Variants in NFAT5 observed in about 807,000 individuals in gnomAD.
NFAT5 encodes the protein nuclear factor of activated T-cells 5.
A neutral mutation model predicts 166.5 loss-of-function variants in NFAT5; 31 were observed. The ratio of observed to expected loss-of-function variants is 0.19; its 90% CI spans 0.14 to 0.25. The LOEUF is 0.25. NFAT5 is among the 10% of genes least tolerant of loss of function. The pLI is 1.00. For missense variants in NFAT5, 1,449 were observed against 1,821.8 expected (o/e 0.80, Z 3.72); for synonymous variants, 612 against 639.7 (o/e 0.96, Z 0.65).
chr16:69,622,887 T>C (rs937626309), intron 2 of NFAT5, among the ~76,000 whole-genome samples: 5 of 151,298 alleles, frequency 3.3e-5, no homozygotes, highest in African/African-American at 1.2e-4. Flanking sequence ...GGCTCACGCC[T>C]GTAATCCCAG....
At chr16:69,604,322 A>G (rs2033290597) in intron 2 of NFAT5, among the ~76,000 whole-genome samples, 1 of 152,200 alleles carries the variant, frequency 6.6e-6, no homozygotes, top group Non-Finnish European at 1.5e-5. Flanking sequence ...GTAGGTGCTC[A>G]ATTGAATTTT....
intron 3 of NFAT5, among the ~76,000 whole-genome samples, chr16:69,633,995 G>A (rs79524953): frequency 0.03 from 4,530 of 151,274 alleles, 129 homozygotes; most frequent in East Asian, 0.12. Flanking sequence ...AATCATACAT[G>A]GGCCAGGCAT....
intron 2 of NFAT5, among the ~76,000 whole-genome samples, chr16:69,604,910 C>G (rs1003966998): frequency 4.6e-5 from 7 of 152,146 alleles, no homozygotes; most frequent in African/African-American, 1.2e-4. Context: ...GAATACTGTT[C>G]CATTCTATGG....
chr16:69,593,406 G>C (rs2032592593), intron 2 of NFAT5, among the ~76,000 whole-genome samples: 1 of 152,038 alleles, frequency 6.6e-6, no homozygotes, highest in African/African-American at 2.4e-5. Flanking sequence ...CACCTCCTGG[G>C]CTCAAGCAGT....
intron 3 of NFAT5, among the ~76,000 whole-genome samples, chr16:69,639,804 A>T (rs922708607): frequency 3.4e-4 from 51 of 151,956 alleles, no homozygotes; most frequent in African/African-American, 1.2e-3. Context: ...GAACAGCCTG[A>T]AAAACACCTG....
intron 9 of NFAT5, among the ~76,000 whole-genome samples, chr16:69,675,920 C>T (rs187807206): frequency 8.5e-5 from 13 of 152,280 alleles, no homozygotes; most frequent in Admixed American, 7.2e-4. Context: ...GGATTACAGG[C>T]GTAAGCCACC....
chr16:69,661,182 G>A (rs1402548984), intron 7 of NFAT5, among the ~76,000 whole-genome samples: 1 of 148,858 alleles, frequency 6.7e-6, no homozygotes, highest in African/African-American at 2.5e-5. Context: ...AGCCGAGGCT[G>A]GTCTCTCTTC....
chr16:69,691,561 T>G (rs1266065024), intron 12 of NFAT5, among the ~76,000 whole-genome samples, 188 bp from the exon 13 acceptor site: 1 of 152,192 alleles, frequency 6.6e-6, no homozygotes, highest in Non-Finnish European at 1.5e-5. Flanking sequence ...TTAAAAAATA[T>G]ATCTCAAGGA....
intron 2 of NFAT5, among the ~76,000 whole-genome samples, chr16:69,595,173 C>T (rs1233881908): frequency 6.6e-6 from 1 of 152,152 alleles, no homozygotes; most frequent in Non-Finnish European, 1.5e-5. Context: ...TTAACCATCA[C>T]AACTATTAAT....
chr16:69,619,660 A>G (rs370137712), intron 2 of NFAT5, among the ~76,000 whole-genome samples: 1 of 152,272 alleles, frequency 6.6e-6, no homozygotes, highest in African/African-American at 2.4e-5. Context: ...CTGAGTGAGT[A>G]CAGCATGAAA....
rs1290270335 is a variant in NFAT5, at chr16:69,571,440, A to G, written c.127+2892A>G. On this transcript the variant is annotated intron_variant, in intron 2 of 14. Transcript: ENST00000349945. ...CATAACTCACCCAGAGTCACAAGCT[A>G]GTAAATTGTAGAACCAGAATTCCAA... 2.0e-5 allele frequency among the ~76,000 whole-genome samples: 3 copies of G among 152,188 alleles called. No homozygotes were observed. In the South Asian group the frequency reaches 6.2e-4, roughly 31 times the overall value.
At chr16:69,626,123 A>C (rs998563660) in intron 2 of NFAT5, among the ~76,000 whole-genome samples, 4 of 151,632 alleles carry the variant, frequency 2.6e-5, no homozygotes, top group Non-Finnish European at 5.9e-5. Flanking sequence ...AAAAAAAAAA[A>C]AAAAACCTTT....
chr16:69,669,838 A>G (rs1181274241), intron 7 of NFAT5, 139 bp from the exon 8 acceptor site: 14 of 707,808 alleles, frequency 2.0e-5, no homozygotes, highest in Non-Finnish European at 2.8e-5. Flanking sequence ...GCCTTTCCAG[A>G]TAATTGTGTA....
chr16:69,628,663 C>T (rs989336645), intron 3 of NFAT5, among the ~76,000 whole-genome samples: 1 of 152,086 alleles, frequency 6.6e-6, no homozygotes, highest in Non-Finnish European at 1.5e-5. Flanking sequence ...ATATAACTGT[C>T]AGAGTTACTT....
In NFAT5 at chr16:69,636,384, C is replaced by T. The variant is rs148028437; in HGVS notation, c.253+9856C>T. ...CATTCTGGGGTCTGGAAGACATTGG[C>T]CCTCTCCTCACAGCTCCATTACATA... On this transcript the variant is annotated intron_variant, in intron 3 of 14. Coordinates refer to ENST00000349945, the MANE Select transcript of NFAT5 (RefSeq NM_138713.4). 2.2e-3 allele frequency among the ~76,000 whole-genome samples: 339 copies of T among 152,256 alleles called. 2 individuals carry two copies. The highest frequency in any genetic ancestry group is 5.8e-3 in the South Asian group (28 of 4,816).
rs112743547 is a variant in NFAT5 at position 69,609,120 on chromosome 16, CA to C, written c.128-17270del. Among the ~76,000 whole-genome samples the C allele has an allele frequency of 1.7e-3, 220 of 132,652 alleles. 2 individuals carry two copies. The highest frequency in any genetic ancestry group is 3.2e-3 in the Admixed American group (43 of 13,276). The allele number at this position is 132,652 out of a possible 152,430, so 87.0% of individuals were successfully genotyped here. A position where few individuals can be genotyped will look rare whatever the true frequency, so the allele number is the denominator to read the frequency against. On this transcript the variant is annotated intron_variant, in intron 2 of 14. Transcript: ENST00000349945. ...TGGGCAACAGAGTGAGACTCCGCCT[CA>C]AAAAAAAAAAAAGTATTTAGGTAAT...
intron 2 of NFAT5, among the ~76,000 whole-genome samples, chr16:69,575,192 C>T (rs1340770719): frequency 5.3e-5 from 8 of 151,864 alleles, no homozygotes; most frequent in Non-Finnish European, 8.8e-5. Flanking sequence ...TATTTAGAGA[C>T]GGAGTCTCTC....
chr16:69,649,426 C>T, intron 4 of NFAT5: 1 of 984,382 alleles, frequency 1.0e-6, no homozygotes, highest in East Asian at 1.1e-4. Flanking sequence ...TCTGCTTCTA[C>T]TTTTGTATGA....
At chr16:69,599,246 G>A (rs1162603068) in intron 2 of NFAT5, among the ~76,000 whole-genome samples, 2 of 152,080 alleles carry the variant, frequency 1.3e-5, no homozygotes, top group Non-Finnish European at 2.9e-5. Context: ...ACTTTAAAAG[G>A]GTGGAACTTT....
Sources: gnomAD v4.1 joint callset for allele counts (sites outside exome capture counted in the v4.1 genomes callset) on GRCh38, gnomAD v4.1.1 for gene constraint, MANE v1.5 for transcripts, NCBI Gene and HGNC (gene_info 2026-07-23, HGNC 2026-07-21) for gene names.